The following STAG1 variants were observed in gnomAD, a reference collection of about 807,000 sequenced individuals.
STAG1 encodes the protein cohesin subunit SA-1.
STAG1 carries 26 observed loss-of-function variants against 170.9 expected under a neutral mutation model. The ratio of observed to expected loss-of-function variants is 0.15; its 90% confidence interval spans 0.11 to 0.21. The LOEUF is 0.21. Ranked by LOEUF, STAG1 falls within the 10% of genes least tolerant of loss-of-function variation. The probability of loss-of-function intolerance (pLI) is 1.00; values close to 1 mark genes in which losing one functional copy is unlikely to be tolerated. For missense variants in STAG1, 964 were observed against 1,509.5 expected, an observed-to-expected ratio of 0.64 and a Z score of 5.99; for synonymous variants, 514 against 497.7, an observed-to-expected ratio of 1.03 and a Z score of -0.44.
At chr3:136,696,591 G>C (rs768861480) in intron 1 of STAG1, among the ~76,000 whole-genome samples, 2 of 152,114 alleles carry the variant, frequency 1.3e-5, no homozygotes, top group African/African-American at 4.8e-5. Flanking sequence ...CCAATCTGCT[G>C]ACAGTGGGGG....
intron 21 of STAG1, among the ~76,000 whole-genome samples, chr3:136,402,110 C>T (rs2108346854): frequency 6.6e-6 from 1 of 152,240 alleles, no homozygotes; most frequent in South Asian, 2.1e-4. Context: ...TGATAAACTA[C>T]AAACCATAAA....
chr3:136,525,846 G>A (rs537726834), intron 6 of STAG1, among the ~76,000 whole-genome samples: 10 of 152,250 alleles, frequency 6.6e-5, no homozygotes, highest in Admixed American at 2.0e-4. Context: ...CCTTCATTTC[G>A]TTATGTATCC....
chr3:136,566,798 T>C (rs1937091379), intron 5 of STAG1, among the ~76,000 whole-genome samples: 1 of 152,198 alleles, frequency 6.6e-6, no homozygotes, highest in Admixed American at 6.5e-5. Flanking sequence ...AATTACTCAT[T>C]ACAGTACTCT....
At chr3:136,553,759 C>T (rs1049936579) in intron 5 of STAG1, among the ~76,000 whole-genome samples, 3 of 152,056 alleles carry the variant, frequency 2.0e-5, no homozygotes, top group Admixed American at 6.5e-5. Flanking sequence ...GGCAAGAGAG[C>T]GAGACTCCAT....
chr3:136,466,560 A>G (rs560214168), intron 12 of STAG1, among the ~76,000 whole-genome samples: 1 of 152,196 alleles, frequency 6.6e-6, no homozygotes, highest in African/African-American at 2.4e-5. Context: ...AAGAATGGAA[A>G]CAAGTTGGAA....
At chr3:136,425,606 TAAATTCAA>T (rs564257331) in intron 16 of STAG1, among the ~76,000 whole-genome samples, 85 of 151,768 alleles carry the variant, frequency 5.6e-4, no homozygotes, top group Middle Eastern at 6.8e-3. Context: ...AAAAAACTCA[TAAATTCAA>T]AGAGGTAAAA....
intron 4 of STAG1, among the ~76,000 whole-genome samples, chr3:136,578,145 C>A (rs1314489255): frequency 3.3e-5 from 5 of 152,160 alleles, no homozygotes; most frequent in Non-Finnish European, 5.9e-5. Flanking sequence ...TAAGCTTACT[C>A]TTTTTTGTAA....
rs550784028 is a variant in STAG1 at position 136,508,354 on chromosome 3, T to C, written c.677-5575A>G. ...TCAGTTGAAAGCTTAAGAGAAAAAA[T>C]AGGTTTTCTAGAGAGGAAATGTTTG... On this transcript the variant is annotated intron_variant, in intron 7 of 33. Coordinates refer to ENST00000383202, the MANE Select transcript of STAG1 (RefSeq NM_005862.3). Among the ~76,000 whole-genome samples the C allele has an allele frequency of 5.3e-5, 8 of 151,990 alleles. No homozygotes were observed. The South Asian group carries it at 1.7e-3, about 32-fold the overall frequency.
At chr3:136,442,693 TAAAA>T (rs56744994) in intron 15 of STAG1, among the ~76,000 whole-genome samples, 21 of 148,726 alleles carry the variant, frequency 1.4e-4, no homozygotes. Context: ...TGGATGTACT[TAAAA>T]AAAAAAACAT....
intron 1 of STAG1, among the ~76,000 whole-genome samples, chr3:136,706,480 C>T (rs964635351): frequency 6.6e-6 from 1 of 151,972 alleles, no homozygotes; most frequent in African/African-American, 2.4e-5. Context: ...TGATAACATC[C>T]AAAAATTAAA....
In STAG1 at chr3:136,369,104, G is replaced by T; in HGVS notation, c.2545+4C>A. 2 of 1,500,226 alleles carry T rather than the reference G, an allele frequency of 1.3e-6. No individual in the cohort carries two copies. Among genetic ancestry groups the T allele is most frequent in the Non-Finnish European group, 1.8e-6 (2 of 1,127,728 alleles). 92.9% of individuals were successfully genotyped at this position (1,500,226 alleles called of 1,614,324 possible). ...AATATTGACAAGATGATAGCTACAA[G>T]TACCCATGCTCTGGTTCTCCTCGTC... On this transcript the variant is annotated splice_donor_region_variant and intron_variant, in intron 24 of 33. Coordinates refer to ENST00000383202, the MANE Select transcript of STAG1 (RefSeq NM_005862.3).
At chr3:136,635,746 T>C (rs1351545420) in intron 1 of STAG1, among the ~76,000 whole-genome samples, 2 of 152,082 alleles carry the variant, frequency 1.3e-5, no homozygotes, top group Non-Finnish European at 2.9e-5. Flanking sequence ...ATAAAACAAC[T>C]CTTGGAACTA....
intron 25 of STAG1, among the ~76,000 whole-genome samples, chr3:136,364,697 G>A (rs572455169): frequency 6.6e-6 from 1 of 152,248 alleles, no homozygotes; most frequent in East Asian, 1.9e-4. Context: ...CTTGACACAA[G>A]ATTTAAATAA....
chr3:136,469,553 T>C (rs973983971), intron 12 of STAG1, among the ~76,000 whole-genome samples: 2 of 152,206 alleles, frequency 1.3e-5, no homozygotes, highest in African/African-American at 4.8e-5. Flanking sequence ...AAAATGGCCA[T>C]ACTGCCCAAG....
chr3:136,671,388 C>T (rs986320772), intron 1 of STAG1, among the ~76,000 whole-genome samples: 8 of 152,082 alleles, frequency 5.3e-5, no homozygotes, highest in African/African-American at 1.4e-4. Context: ...AGGCAGTATT[C>T]TCATACTCTA....
intron 1 of STAG1, among the ~76,000 whole-genome samples, chr3:136,677,033 CA>C (rs1312290169): frequency 6.6e-6 from 1 of 152,054 alleles, no homozygotes; most frequent in Non-Finnish European, 1.5e-5. Flanking sequence ...CTTATGATAA[CA>C]ATACCTTCCC....
At chr3:136,708,710 T>C (rs997468898) in intron 1 of STAG1, among the ~76,000 whole-genome samples, 1 of 152,210 alleles carries the variant, frequency 6.6e-6, no homozygotes, top group Admixed American at 6.5e-5. Flanking sequence ...AGGCTTACTA[T>C]GTTGGTATTA....
At position 136,538,999 on chromosome 3, in the gene STAG1, C is replaced by T. The variant is rs573398469; in HGVS notation, c.471+3120G>A. 8.4e-3 allele frequency among the ~76,000 whole-genome samples: 1,283 copies of T among 151,920 alleles called. 22 individuals carry two copies. Among genetic ancestry groups the T allele is most frequent in the African/African-American group, 0.03 (1,229 of 41,456 alleles). On this transcript the variant is annotated intron_variant, in intron 6 of 33. Transcript: ENST00000383202. ...AATACAAAAAATTAGCCCAGCGTAGCGGCAGGCGCCTGTAGTCCCAGCTAC... is the reference window on the plus strand; with the variant it reads ...AATACAAAAAATTAGCCCAGCGTAGTGGCAGGCGCCTGTAGTCCCAGCTAC...
At chr3:136,748,271 C>T (rs943562707) in intron 1 of STAG1, among the ~76,000 whole-genome samples, 1 of 151,916 alleles carries the variant, frequency 6.6e-6, no homozygotes, top group Admixed American at 6.5e-5. Flanking sequence ...TGTACTGGCA[C>T]ATGCCTACAG....
Sources: gnomAD v4.1 joint callset for allele counts (sites outside exome capture counted in the v4.1 genomes callset) on GRCh38, gnomAD v4.1.1 for gene constraint, MANE v1.5 for transcripts, NCBI Gene and HGNC (gene_info 2026-07-23, HGNC 2026-07-21) for gene names.